NRXN1: variants seen among roughly 807,000 people sequenced by gnomAD.
NRXN1 encodes the protein neurexin-1.
Under a neutral mutation model 150.9 loss-of-function variants are expected in NRXN1, and 39 were observed. The ratio of observed to expected loss-of-function variants is 0.26; its 90% CI spans 0.20 to 0.34. The LOEUF (loss-of-function observed/expected upper bound fraction) is 0.34, where lower values mean the gene tolerates loss of function less well. Ranked by LOEUF, NRXN1 falls within the 10% of genes least tolerant of loss-of-function variation. NRXN1 has a pLI of 1.00. For missense variants in NRXN1, 1,815 were observed against 1,949.9 expected, an observed-to-expected ratio of 0.93 and a Z score of 1.30; for synonymous variants, 924 against 757.0, an observed-to-expected ratio of 1.22 and a Z score of -3.62.
At chr2:49,935,005 A>C (rs1035902508) in intron 22 of NRXN1, among the ~76,000 whole-genome samples, 3 of 152,228 alleles carry the variant, frequency 2.0e-5, no homozygotes, top group Non-Finnish European at 4.4e-5. Flanking sequence ...AGTATCCATC[A>C]TTAACATTTC....
chr2:49,982,700 T>C (rs1289094464), intron 21 of NRXN1, among the ~76,000 whole-genome samples: 1 of 152,164 alleles, frequency 6.6e-6, no homozygotes, highest in African/African-American at 2.4e-5. Flanking sequence ...AGCAAAAGAA[T>C]AAATAAAATG....
intron 5 of NRXN1, among the ~76,000 whole-genome samples, chr2:50,688,408 A>T (rs1001247856): frequency 6.6e-5 from 10 of 151,948 alleles, no homozygotes; most frequent in African/African-American, 2.4e-4. Context: ...CTCCTTATAT[A>T]CCTTATTATT....
At chr2:50,694,084 C>T (rs1054181801) in intron 5 of NRXN1, among the ~76,000 whole-genome samples, 6 of 152,148 alleles carry the variant, frequency 3.9e-5, no homozygotes, top group Non-Finnish European at 7.3e-5. Flanking sequence ...TGAGCTACCA[C>T]GTCCAGCCCA....
intron 8 of NRXN1, chr2:50,554,426 TGAGTTCAAATTCTGGCTCCAGCATTACC>T (rs1186844446): frequency 2.0e-5 from 3 of 152,166 alleles, no homozygotes; most frequent in Non-Finnish European, 4.4e-5. Flanking sequence ...TTGGACTTCC[TGAGTTCAAATTCTGGCTCCAGCATTACC>T]GAACTGGGAA....
chr2:50,517,852 A>G (rs1040194579), intron 12 of NRXN1, among the ~76,000 whole-genome samples: 2 of 152,152 alleles, frequency 1.3e-5, no homozygotes, highest in Non-Finnish European at 2.9e-5. Flanking sequence ...CCCTCCAGAG[A>G]CTTTTCTGCC....
chr2:50,972,149 T>C (rs1407093216), intron 2 of NRXN1, among the ~76,000 whole-genome samples: 3 of 152,150 alleles, frequency 2.0e-5, no homozygotes, highest in Non-Finnish European at 2.9e-5. Flanking sequence ...TAATAAGGTA[T>C]TATGAACAAC....
intron 17 of NRXN1, among the ~76,000 whole-genome samples, chr2:50,291,033 G>C (rs1256489225): frequency 6.6e-6 from 1 of 151,446 alleles, no homozygotes; most frequent in Non-Finnish European, 1.5e-5. Context: ...TTTCTAGAAA[G>C]ATAGCAGAGA....
At chr2:50,461,781 A>G (rs2104615112) in intron 17 of NRXN1, among the ~76,000 whole-genome samples, 1 of 152,092 alleles carries the variant, frequency 6.6e-6, no homozygotes, top group Non-Finnish European at 1.5e-5. Context: ...AAAACAAAGG[A>G]AGTTTCCATG....
intron 18 of NRXN1, among the ~76,000 whole-genome samples, chr2:50,185,123 T>C (rs964047933): frequency 6.6e-6 from 1 of 152,102 alleles, no homozygotes; most frequent in Non-Finnish European, 1.5e-5. Context: ...AGAAACTGAA[T>C]GATCTCACCA....
intron 5 of NRXN1, among the ~76,000 whole-genome samples, chr2:50,688,397 C>T (rs1377312271): frequency 6.6e-6 from 1 of 152,076 alleles, no homozygotes; most frequent in Non-Finnish European, 1.5e-5. Flanking sequence ...CCTACAGAGC[C>T]CTCCTTATAT....
intron 2 of NRXN1, among the ~76,000 whole-genome samples, chr2:51,008,685 CAATAT>C (rs1305445586): frequency 1.3e-5 from 2 of 151,538 alleles, no homozygotes; most frequent in Non-Finnish European, 2.9e-5. Flanking sequence ...CTAAAAGCAT[CAATAT>C]AATAATTTCC....
chr2:50,959,419 C>G (rs973810067), intron 2 of NRXN1, among the ~76,000 whole-genome samples: 52 of 152,028 alleles, frequency 3.4e-4, no homozygotes, highest in African/African-American at 1.1e-3. Flanking sequence ...AAATATTATT[C>G]AGCCATAAAA....
intron 5 of NRXN1, among the ~76,000 whole-genome samples, chr2:50,811,158 T>C (rs1668161273): frequency 6.6e-6 from 1 of 152,194 alleles, no homozygotes; most frequent in South Asian, 2.1e-4. Flanking sequence ...CCTTTATTCC[T>C]TAAATATAAT....
chr2:50,091,930 T>G (rs1699637314), intron 18 of NRXN1, among the ~76,000 whole-genome samples: 1 of 152,292 alleles, frequency 6.6e-6, no homozygotes, highest in East Asian at 1.9e-4. Context: ...ATACTCACAA[T>G]AGGGGAAATC....
intron 2 of NRXN1, among the ~76,000 whole-genome samples, chr2:50,991,303 C>G (rs1197838321): frequency 1.3e-5 from 2 of 151,890 alleles, no homozygotes; most frequent in Non-Finnish European, 2.9e-5. Context: ...TGTGGTCTTC[C>G]ATACCCCCAA....
At chr2:50,358,370 C>A (rs2078967290) in intron 17 of NRXN1, among the ~76,000 whole-genome samples, 2 of 152,206 alleles carry the variant, frequency 1.3e-5, no homozygotes, top group Admixed American at 1.3e-4. Flanking sequence ...CTGAAGTCGA[C>A]CTGGGATGCT....
intron 21 of NRXN1, among the ~76,000 whole-genome samples, chr2:50,034,875 A>G (rs569479451): frequency 9.9e-5 from 15 of 152,194 alleles, no homozygotes; most frequent in African/African-American, 3.6e-4. Context: ...TAATTTATAT[A>G]TAGTTTCATA....
chr2:50,759,867 T>TGTGA (rs1197195303), intron 5 of NRXN1, among the ~76,000 whole-genome samples: 1 of 135,352 alleles, frequency 7.4e-6, no homozygotes, highest in Non-Finnish European at 1.6e-5. Context: ...TGTGTGTGTG[T>TGTGA]GTGACTTAAT....
At chr2:50,412,619 T>G (rs1033891524) in intron 17 of NRXN1, among the ~76,000 whole-genome samples, 3 of 152,136 alleles carry the variant, frequency 2.0e-5, no homozygotes, top group African/African-American at 7.2e-5. Flanking sequence ...CTCACTTGCA[T>G]TTGCTTATTT....
Sources: gnomAD v4.1 joint callset for allele counts (sites outside exome capture counted in the v4.1 genomes callset) on GRCh38, gnomAD v4.1.1 for gene constraint, MANE v1.5 for transcripts, NCBI Gene and HGNC (gene_info 2026-07-23, HGNC 2026-07-21) for gene names.